MCTP1: variants seen among roughly 807,000 people sequenced by gnomAD.
The protein encoded by MCTP1 is multiple C2 and transmembrane domain-containing protein 1.
A neutral mutation model predicts 120.6 loss-of-function variants in MCTP1; 69 were observed. The ratio of observed to expected loss-of-function variants is 0.57; its 90% CI spans 0.47 to 0.70. The LOEUF is 0.70. Ranked by LOEUF, MCTP1 falls within the 30% of genes least tolerant of loss-of-function variation. MCTP1 has a pLI of 0.00. For synonymous variants in MCTP1, 529 were observed against 493.1 expected (o/e 1.07, Z -0.96); for missense variants, 1,203 against 1,248.8 (o/e 0.96, Z 0.55).
At chr5:95,134,116 C>T (rs1258289854) in intron 1 of MCTP1, among the ~76,000 whole-genome samples, 1 of 152,116 alleles carries the variant, frequency 6.6e-6, no homozygotes, top group Admixed American at 6.5e-5. Context: ...CCATAGGATG[C>T]TTCAAATCTA....
In MCTP1 at chr5:95,284,987, A is replaced by G. The variant is rs1321533112; in HGVS notation, c.-412T>C. ...TGCACGCACCGGGGCGTGCGCGTCC[A>G]GCTGCGCCAGGGACCGCACCCGGCG... On this transcript the variant is annotated 5_prime_UTR_variant, in exon 1 of 23. Transcript: ENST00000515393. The surrounding 1 kb of genome is among the most constrained non-coding windows in gnomAD (Gnocchi z 5.2). Among the ~76,000 whole-genome samples the G allele has an allele frequency of 2.6e-5, 4 of 152,122 alleles. No homozygotes were observed. Among genetic ancestry groups the G allele is most frequent in the Non-Finnish European group, 5.9e-5 (4 of 67,998 alleles).
At chr5:94,868,875 C>T (rs1035201434) in intron 16 of MCTP1, among the ~76,000 whole-genome samples, 1 of 151,728 alleles carries the variant, frequency 6.6e-6, no homozygotes, top group Non-Finnish European at 1.5e-5. Context: ...TATAGAAAAA[C>T]CTATCCAGAA....
intron 1 of MCTP1, among the ~76,000 whole-genome samples, chr5:95,106,804 C>T (rs1038988878): frequency 2.8e-4 from 42 of 152,096 alleles, no homozygotes; most frequent in African/African-American, 9.9e-4. Context: ...CAGATGTCTG[C>T]GTTGACTCCA....
intron 17 of MCTP1, among the ~76,000 whole-genome samples, chr5:94,822,929 C>CCT (rs1324676392): frequency 6.6e-6 from 1 of 151,922 alleles, no homozygotes; most frequent in Non-Finnish European, 1.5e-5. Flanking sequence ...GTGTAGGCTT[C>CCT]TTATAGATTC....
At chr5:95,261,161 G>A (rs2152717985) in intron 1 of MCTP1, among the ~76,000 whole-genome samples, 1 of 152,260 alleles carries the variant, frequency 6.6e-6, no homozygotes, top group East Asian at 1.9e-4. Flanking sequence ...ATAAATATCT[G>A]AGTAACTGCT....
intron 7 of MCTP1, among the ~76,000 whole-genome samples, chr5:94,918,748 T>TA (rs1353903578): frequency 6.6e-6 from 1 of 152,210 alleles, no homozygotes; most frequent in Admixed American, 6.5e-5. Context: ...AAGACTGGAT[T>TA]AGGGCAGTCA....
chr5:94,947,407 T>G (rs2153519103), intron 3 of MCTP1, among the ~76,000 whole-genome samples: 1 of 151,756 alleles, frequency 6.6e-6, no homozygotes, highest in Middle Eastern at 3.4e-3. Context: ...CTCCTTAGAA[T>G]TTTCTATTGC....
At chr5:94,760,273 A>C in intron 19 of MCTP1, among the ~76,000 whole-genome samples, 1 of 152,190 alleles carries the variant, frequency 6.6e-6, no homozygotes, top group East Asian at 1.9e-4. Context: ...TGATTCAGAA[A>C]CTATATGACT....
At chr5:95,004,858 C>A (rs1382763521) in intron 2 of MCTP1, among the ~76,000 whole-genome samples, 1 of 152,186 alleles carries the variant, frequency 6.6e-6, no homozygotes, top group Admixed American at 6.5e-5. Context: ...AGGTTGGAGC[C>A]CCCACACAGA....
At chr5:95,270,751 G>A (rs541801642) in intron 1 of MCTP1, among the ~76,000 whole-genome samples, 145 of 152,230 alleles carry the variant, frequency 9.5e-4, no homozygotes, top group African/African-American at 3.4e-3. Flanking sequence ...CCAACATGGT[G>A]AAACCCCATC....
chr5:95,179,302 T>C (rs571425965), intron 1 of MCTP1, among the ~76,000 whole-genome samples: 2 of 152,330 alleles, frequency 1.3e-5, no homozygotes, highest in East Asian at 3.8e-4. Context: ...GCAAGAGATC[T>C]AGATATCCAA....
At chr5:95,083,717 C>T (rs766782421) in intron 1 of MCTP1, among the ~76,000 whole-genome samples, 23 of 152,130 alleles carry the variant, frequency 1.5e-4, no homozygotes, top group Non-Finnish European at 2.8e-4. Flanking sequence ...AAGGCAGATT[C>T]CTGATAATAC....
rs116642830 is a variant in MCTP1, at chr5:95,208,996, A to G, written c.720+74860T>C. Among the ~76,000 whole-genome samples the G allele has an allele frequency of 1.7e-3, 260 of 152,212 alleles. 2 individuals carry two copies. The highest frequency in any genetic ancestry group is 6.0e-3 in the African/African-American group (250 of 41,522). ...CTTTCTTCTCCTGCAATTGCTCCAC[A>G]TATCTGTTTCCTTCAAATGTATGAA... On this transcript the variant is annotated intron_variant, in intron 1 of 22. Coordinates refer to ENST00000515393, the MANE Select transcript of MCTP1 (RefSeq NM_024717.7).
chr5:95,088,997 C>A lies in MCTP1; in HGVS notation c.721-71513G>T, dbSNP rs528673757. Among the ~76,000 whole-genome samples the A allele has an allele frequency of 2.6e-4, 40 of 152,250 alleles. 1 individual carries two copies. Among genetic ancestry groups the A allele is most frequent in the Middle Eastern group, 3.4e-3 (1 of 294 alleles). Reference sequence around the variant, plus strand: ...AATAATTTCAGTGCTATTGTAGGCACGATTTTTCAGGAGGATGGATGGCAA... The same window carrying A: ...AATAATTTCAGTGCTATTGTAGGCAAGATTTTTCAGGAGGATGGATGGCAA... On this transcript the variant is annotated intron_variant, in intron 1 of 22. Coordinates refer to ENST00000515393, the MANE Select transcript of MCTP1 (RefSeq NM_024717.7).
intron 1 of MCTP1, among the ~76,000 whole-genome samples, chr5:95,256,560 C>T (rs1226247281): frequency 1.3e-5 from 2 of 152,208 alleles, no homozygotes; most frequent in Non-Finnish European, 2.9e-5. Context: ...TAGTGACGTC[C>T]TGCTGTTGCC....
At chr5:94,828,992 A>G (rs543543535) in intron 17 of MCTP1, among the ~76,000 whole-genome samples, 15 of 133,472 alleles carry the variant, frequency 1.1e-4, no homozygotes, top group African/African-American at 3.8e-4. Context: ...GGGGTATGAA[A>G]AAAACAAACA....
At position 94,881,124 on chromosome 5, in the gene MCTP1, G is replaced by A. The variant is rs75285997; in HGVS notation, c.1933+7755C>T. ...GTGATTTAGGTTGCATGAATCAGAT[G>A]TTCTTGCCTAAGACTTGATATTAGA... On this transcript the variant is annotated intron_variant, in intron 12 of 22. Coordinates refer to ENST00000515393, the MANE Select transcript of MCTP1 (RefSeq NM_024717.7). Among the ~76,000 whole-genome samples, 937 of 152,230 alleles carry A rather than the reference G, an allele frequency of 6.2e-3. 13 individuals carry two copies. Among genetic ancestry groups the A allele is most frequent in the African/African-American group, 0.021 (892 of 41,548 alleles).
intron 1 of MCTP1, among the ~76,000 whole-genome samples, chr5:95,274,662 C>T (rs1227234672): frequency 6.6e-6 from 1 of 151,644 alleles, no homozygotes; most frequent in Non-Finnish European, 1.5e-5. Flanking sequence ...CTTGCTCTGT[C>T]GCCCAGGCTG....
chr5:95,057,024 A>G (rs1747569892), intron 1 of MCTP1, among the ~76,000 whole-genome samples: 1 of 152,204 alleles, frequency 6.6e-6, no homozygotes, highest in Non-Finnish European at 1.5e-5. Context: ...ACATATTCAT[A>G]TAAGATTAAA....
Sources: gnomAD v4.1 joint callset for allele counts (sites outside exome capture counted in the v4.1 genomes callset) on GRCh38, gnomAD v4.1.1 for gene constraint, Gnocchi (gnomAD v3.1) non-coding constraint, MANE v1.5 for transcripts, NCBI Gene and HGNC (gene_info 2026-07-23, HGNC 2026-07-21) for gene names.